UBE2F: variants seen among roughly 807,000 people sequenced by gnomAD.
UBE2F encodes the protein NEDD8-conjugating enzyme UBE2F.
Under a neutral mutation model 29.6 loss-of-function variants are expected in UBE2F, and 5 were observed. The observed-to-expected ratio is 0.17, with a 90% CI of 0.09 to 0.36. The LOEUF is 0.36. UBE2F is among the 10% of genes least tolerant of loss of function. The pLI is 1.00. For missense variants in UBE2F, 141 were observed against 228.5 expected, an observed-to-expected ratio of 0.62 and a Z score of 2.47; for synonymous variants, 66 against 81.8, an observed-to-expected ratio of 0.81 and a Z score of 1.04.
chr2:238,015,265 A>T (rs916667339), intron 4 of UBE2F, among the ~76,000 whole-genome samples: 19 of 152,244 alleles, frequency 1.2e-4, no homozygotes, highest in African/African-American at 4.6e-4. Context: ...CAAACAGCAG[A>T]CTAAGAAAAA....
intron 2 of UBE2F, chr2:237,986,091 A>G: frequency 3.1e-6 from 1 of 322,500 alleles, no homozygotes; most frequent in Non-Finnish European, 6.1e-6. Flanking sequence ...TGTTTGTCGA[A>G]TATATGATTT....
intron 4 of UBE2F, among the ~76,000 whole-genome samples, chr2:238,016,056 A>C (rs2064145136): frequency 6.6e-6 from 1 of 152,178 alleles, no homozygotes; most frequent in Non-Finnish European, 1.5e-5. Flanking sequence ...GCAATCACTG[A>C]GGCAGTGATT....
intron 6 of UBE2F, among the ~76,000 whole-genome samples, chr2:238,026,561 G>A (rs2064435505): frequency 6.6e-6 from 1 of 152,120 alleles, no homozygotes; most frequent in African/African-American, 2.4e-5. Context: ...AGCGTCCCGA[G>A]TAGCTGGGAC....
intron 4 of UBE2F, among the ~76,000 whole-genome samples, chr2:237,996,386 A>G (rs2063692937): frequency 6.6e-6 from 1 of 151,296 alleles, no homozygotes; most frequent in East Asian, 1.9e-4. Flanking sequence ...CCACTCAAAG[A>G]TGTTTGTTGA....
intron 2 of UBE2F, among the ~76,000 whole-genome samples, chr2:237,986,676 G>A (rs1328582998): frequency 6.6e-6 from 1 of 152,104 alleles, no homozygotes; most frequent in Non-Finnish European, 1.5e-5. Context: ...TTCATTTTGA[G>A]TTGATTTTTC....
intron 1 of UBE2F, among the ~76,000 whole-genome samples, chr2:237,969,981 A>C (rs1222494958): frequency 1.3e-5 from 2 of 152,202 alleles, no homozygotes; most frequent in Admixed American, 1.3e-4. Flanking sequence ...CATTTTTGTC[A>C]ACTTTATTGA....
intron 4 of UBE2F, among the ~76,000 whole-genome samples, chr2:238,007,521 T>C (rs1475760997): frequency 2.9e-4 from 1 of 3,408 alleles, no homozygotes; most frequent in Admixed American, 3.1e-3. Flanking sequence ...ATGTATGTAT[T>C]TTTTTTTTAA....
chr2:237,973,531 G>C (rs1428426303), intron 2 of UBE2F: 1 of 570,796 alleles, frequency 1.8e-6, no homozygotes, highest in East Asian at 6.1e-5. Flanking sequence ...CCTAAGACTG[G>C]TTTCAGAGCT....
intron 9 of UBE2F, among the ~76,000 whole-genome samples, chr2:238,038,805 G>A (rs955084834): frequency 1.5e-4 from 23 of 152,214 alleles, no homozygotes; most frequent in African/African-American, 5.5e-4. Flanking sequence ...GCATCCTTAT[G>A]TCCACTCGTT....
At chr2:238,007,611 T>A (rs1315060370) in intron 4 of UBE2F, among the ~76,000 whole-genome samples, 1 of 152,192 alleles carries the variant, frequency 6.6e-6, no homozygotes, top group East Asian at 1.9e-4. Context: ...ATGCTTTTTC[T>A]GCATCTACTG....
intron 2 of UBE2F, among the ~76,000 whole-genome samples, chr2:237,974,339 C>T (rs2063232263): frequency 1.3e-5 from 2 of 151,664 alleles, no homozygotes; most frequent in South Asian, 4.2e-4. Flanking sequence ...TACAGGCATG[C>T]GCTACTACAC....
intron 7 of UBE2F, among the ~76,000 whole-genome samples, chr2:238,030,875 C>A (rs2064559435): frequency 6.6e-6 from 1 of 152,246 alleles, no homozygotes; most frequent in Non-Finnish European, 1.5e-5. Context: ...CTGCAGGCTT[C>A]ACAGCCAAAC....
At chr2:237,969,256 C>T (rs551712341) in intron 1 of UBE2F, among the ~76,000 whole-genome samples, 6 of 151,736 alleles carry the variant, frequency 4.0e-5, no homozygotes, top group Non-Finnish European at 8.8e-5. Flanking sequence ...AAGACTTCAT[C>T]GTGGCGTGAT....
chr2:237,977,926 G>A (rs2063313219), intron 2 of UBE2F, among the ~76,000 whole-genome samples: 1 of 152,086 alleles, frequency 6.6e-6, no homozygotes, highest in Non-Finnish European at 1.5e-5. Context: ...AGGAGGTAGG[G>A]AGTTTGTCAT....
intron 4 of UBE2F, among the ~76,000 whole-genome samples, chr2:237,995,884 G>A (rs554795663): frequency 7.0e-4 from 106 of 152,266 alleles, no homozygotes; most frequent in African/African-American, 2.4e-3. Context: ...CTTGGGTATA[G>A]GAGTTAATAC....
intron 4 of UBE2F, among the ~76,000 whole-genome samples, chr2:238,006,731 T>C (rs2063914693): frequency 6.6e-6 from 1 of 151,630 alleles, no homozygotes; most frequent in African/African-American, 2.4e-5. Context: ...AGGAGGGACA[T>C]CCTTGGCTTG....
chr2:238,016,645 G>A lies in UBE2F; in HGVS notation c.282+12G>A, dbSNP rs772222954. 1 of 1,600,404 alleles carries A rather than the reference G, an allele frequency of 6.2e-7. No individual in the cohort carries two copies. The highest frequency in any genetic ancestry group is 8.5e-7 in the Non-Finnish European group (1 of 1,175,864). ...CGTACAACATGGTGGTGAGTAGCCT[G>A]CGTTGAGCCTGTTGTTTTACTTCTC... On this transcript the variant is annotated intron_variant, in intron 5 of 9. Coordinates refer to ENST00000272930, the MANE Select transcript of UBE2F (RefSeq NM_080678.3).
chr2:238,026,895 T>C (rs1386030569), intron 6 of UBE2F, among the ~76,000 whole-genome samples: 2 of 152,236 alleles, frequency 1.3e-5, no homozygotes, highest in Non-Finnish European at 2.9e-5. Context: ...GAAGTATCTG[T>C]CCTTTACGTA....
chr2:238,002,210 A>G (rs1054959656), intron 4 of UBE2F, among the ~76,000 whole-genome samples: 25 of 150,066 alleles, frequency 1.7e-4, no homozygotes, highest in African/African-American at 5.2e-4. Context: ...GATTACAGGC[A>G]TGCGCCACCA....
Sources: allele counts gnomAD v4.1 joint callset (sites outside exome capture counted in the v4.1 genomes callset), GRCh38; gene constraint gnomAD v4.1.1; transcripts MANE v1.5; gene names NCBI Gene and HGNC (gene_info 2026-07-23, HGNC 2026-07-21).